The following XKR4 variants were observed in gnomAD, a reference collection of about 807,000 sequenced individuals.
XKR4 encodes the protein XK related 4.
XKR4 carries 12 observed loss-of-function variants against 53.9 expected under a neutral mutation model. The ratio of observed to expected loss-of-function variants is 0.22; its 90% CI spans 0.14 to 0.36. The LOEUF is 0.36. Among genes scored for constraint, XKR4 ranks in the 10% least tolerant of loss-of-function variants. The probability of loss-of-function intolerance (pLI) is 1.00; values close to 1 mark genes in which losing one functional copy is unlikely to be tolerated. For synonymous variants in XKR4, 354 were observed against 362.4 expected (o/e 0.98, Z 0.26); for missense variants, 799 against 859.5 (o/e 0.93, Z 0.88).
rs1338114313 is a variant in XKR4, at chr8:55,535,363, C to T, written c.*11136C>T. On this transcript the variant is annotated 3_prime_UTR_variant, in exon 3 of 3. Transcript: ENST00000327381. ...TTAGCATCAGGTATATCTCCTAATG[C>T]TATCCCTCCCCCCTCCCCCCACCCC... The T allele has an allele frequency of 6.7e-6, 1 of 149,536 alleles. No homozygotes were observed. Among genetic ancestry groups the T allele is most frequent in the Non-Finnish European group, 1.5e-5 (1 of 67,350 alleles). 9.3% of individuals were successfully genotyped at this position (149,536 alleles called of 1,614,324 possible). A position where few individuals can be genotyped will look rare whatever the true frequency, so the allele number is the denominator to read the frequency against.
At chr8:55,512,247 C>G (rs1275107475) in intron 2 of XKR4, among the ~76,000 whole-genome samples, 2 of 152,246 alleles carry the variant, frequency 1.3e-5, no homozygotes, top group African/African-American at 4.8e-5. Flanking sequence ...CCCCTTCCCT[C>G]TGGCACACTC....
intron 2 of XKR4, among the ~76,000 whole-genome samples, chr8:55,437,130 C>T (rs1341301244): frequency 1.3e-5 from 2 of 152,206 alleles, no homozygotes; most frequent in African/African-American, 4.8e-5. Context: ...TTAATAATCT[C>T]ATATCCAAAC....
In XKR4 at chr8:55,214,498, A is replaced by G. The variant is rs188165355; in HGVS notation, c.806+111204A>G. Among the ~76,000 whole-genome samples the G allele has an allele frequency of 1.2e-3, 190 of 152,356 alleles. 1 individual carries two copies. The highest frequency in any genetic ancestry group is 4.7e-3 in the Admixed American group (72 of 15,298). On this transcript the variant is annotated intron_variant, in intron 1 of 2. Coordinates refer to ENST00000327381, the MANE Select transcript of XKR4 (RefSeq NM_052898.2). ...AAGGAATAAATGAATGAGAAGATTA[A>G]TTTGTCCTGAATGTCCAGCTATCAC... is the stretch of plus-strand genomic sequence containing the variant.
At chr8:55,229,868 CTTT>C (rs5891563) in intron 1 of XKR4, among the ~76,000 whole-genome samples, 36,644 of 140,324 alleles carry the variant, frequency 0.26, 4,733 homozygotes, top group East Asian at 0.47. Flanking sequence ...AGTTAATTAG[CTTT>C]TTTTTTTTTT....
At chr8:55,458,405 G>GACT (rs1164596151) in intron 2 of XKR4, among the ~76,000 whole-genome samples, 1 of 152,154 alleles carries the variant, frequency 6.6e-6, no homozygotes, top group East Asian at 1.9e-4. Context: ...CAGTGTCTAG[G>GACT]AGTTACCCAT....
chr8:55,122,799 T>G (rs1258527333), intron 1 of XKR4, among the ~76,000 whole-genome samples: 1 of 152,192 alleles, frequency 6.6e-6, no homozygotes, highest in Non-Finnish European at 1.5e-5. Context: ...GCCTGCCCTT[T>G]TTTTTTTCCT....
intron 1 of XKR4, among the ~76,000 whole-genome samples, chr8:55,229,904 T>G (rs2129366723): frequency 6.6e-6 from 1 of 152,090 alleles, no homozygotes; most frequent in African/African-American, 2.4e-5. Flanking sequence ...TTCTCCAGAT[T>G]TTCCTGGTGC....
At chr8:55,419,372 C>G (rs534324019) in intron 2 of XKR4, among the ~76,000 whole-genome samples, 1 of 152,096 alleles carries the variant, frequency 6.6e-6, no homozygotes, top group Non-Finnish European at 1.5e-5. Flanking sequence ...GCAACAAGAG[C>G]GAAACTCCAT....
chr8:55,484,158 C>T (rs1361010180), intron 2 of XKR4, among the ~76,000 whole-genome samples: 1 of 152,060 alleles, frequency 6.6e-6, no homozygotes, highest in African/African-American at 2.4e-5. Context: ...TTGAATAGCC[C>T]CATATCTATG....
At chr8:55,107,199 A>G (rs1816162799) in intron 1 of XKR4, among the ~76,000 whole-genome samples, 1 of 152,256 alleles carries the variant, frequency 6.6e-6, no homozygotes, top group African/African-American at 2.4e-5. Context: ...CCTAAAAGAA[A>G]ATTATTAGTA....
At chr8:55,304,831 T>G (rs945339180) in intron 1 of XKR4, among the ~76,000 whole-genome samples, 7 of 152,170 alleles carry the variant, frequency 4.6e-5, no homozygotes, top group Admixed American at 1.3e-4. Context: ...CTGCCTTTTT[T>G]TGTTTTCTAT....
intron 1 of XKR4, among the ~76,000 whole-genome samples, chr8:55,114,960 A>G (rs986784329): frequency 6.6e-6 from 1 of 152,240 alleles, no homozygotes; most frequent in African/African-American, 2.4e-5. Flanking sequence ...CAGCCTAGTC[A>G]TGGGCATCCC....
chr8:55,220,580 G>C (rs1394910748), intron 1 of XKR4, among the ~76,000 whole-genome samples: 1 of 152,214 alleles, frequency 6.6e-6, no homozygotes, highest in African/African-American at 2.4e-5. Flanking sequence ...AAGTGGGGCA[G>C]GTCCCAGTGT....
intron 2 of XKR4, among the ~76,000 whole-genome samples, chr8:55,434,162 C>A (rs1017601858): frequency 1.3e-5 from 2 of 152,000 alleles, no homozygotes; most frequent in African/African-American, 4.8e-5. Context: ...AATATGACCA[C>A]CTATATATAC....
At chr8:55,246,726 T>A (rs947051169) in intron 1 of XKR4, among the ~76,000 whole-genome samples, 202 of 151,874 alleles carry the variant, frequency 1.3e-3, no homozygotes, top group African/African-American at 4.6e-3. Flanking sequence ...TTTTTTTTTT[T>A]AGTTTACTTT....
At chr8:55,197,484 GCTTT>G (rs948238062) in intron 1 of XKR4, among the ~76,000 whole-genome samples, 4 of 151,878 alleles carry the variant, frequency 2.6e-5, no homozygotes, top group African/African-American at 7.3e-5. Context: ...CTCCATATGA[GCTTT>G]CTATTTTAAA....
At chr8:55,212,805 C>T (rs979778321) in intron 1 of XKR4, among the ~76,000 whole-genome samples, 6 of 152,302 alleles carry the variant, frequency 3.9e-5, no homozygotes, top group Admixed American at 1.3e-4. Context: ...CCATTCTGAG[C>T]ACCAGCCTTG....
intron 1 of XKR4, among the ~76,000 whole-genome samples, chr8:55,153,369 A>G (rs974164206): frequency 6.6e-6 from 1 of 152,218 alleles, no homozygotes; most frequent in Admixed American, 6.5e-5. Context: ...TTATTTCTCA[A>G]AGCATTGGAC....
chr8:55,348,403 G>A (rs1162529811), intron 1 of XKR4, among the ~76,000 whole-genome samples: 1 of 152,098 alleles, frequency 6.6e-6, no homozygotes, highest in Non-Finnish European at 1.5e-5. Context: ...GGTAATTCTG[G>A]CTCACAGGAT....
Sources: allele counts gnomAD v4.1 joint callset (sites outside exome capture counted in the v4.1 genomes callset), GRCh38; gene constraint gnomAD v4.1.1; transcripts MANE v1.5; gene names NCBI Gene and HGNC (gene_info 2026-07-23, HGNC 2026-07-21).